Variants in CTDSPL observed in about 807,000 individuals in gnomAD.
The protein encoded by CTDSPL is CTD small phosphatase like.
In CTDSPL, 8 loss-of-function variants were observed where a neutral mutation model predicts 30.5. The ratio of observed to expected loss-of-function variants is 0.26; its 90% CI spans 0.15 to 0.47. CTDSPL has a LOEUF of 0.47. Among genes scored for constraint, CTDSPL ranks in the 20% least tolerant of loss-of-function variants. The probability of loss-of-function intolerance (pLI) is 0.99; values close to 1 mark genes in which losing one functional copy is unlikely to be tolerated. For synonymous variants in CTDSPL, 110 were observed against 137.9 expected, an observed-to-expected ratio of 0.80 and a Z score of 1.42; for missense variants, 248 against 366.1, an observed-to-expected ratio of 0.68 and a Z score of 2.63.
intron 2 of CTDSPL, among the ~76,000 whole-genome samples, chr3:37,956,266 C>G (rs1050877645): frequency 6.6e-6 from 1 of 152,186 alleles, no homozygotes; most frequent in Admixed American, 6.5e-5. Flanking sequence ...CACGTGAGAC[C>G]TCATTATCAC....
chr3:37,866,314 C>T (rs945245389), intron 1 of CTDSPL, among the ~76,000 whole-genome samples: 2 of 151,632 alleles, frequency 1.3e-5, no homozygotes, highest in South Asian at 2.1e-4. Flanking sequence ...TGGTTCCTAC[C>T]TTTGTAAAAA....
At chr3:37,976,225 G>A (rs1283596668) in intron 7 of CTDSPL, among the ~76,000 whole-genome samples, 1 of 152,150 alleles carries the variant, frequency 6.6e-6, no homozygotes, top group African/African-American at 2.4e-5. Context: ...GACATTTTTA[G>A]TATTGTTATT....
chr3:37,960,521 TATATATATATATATAC>T (rs1418387620), intron 3 of CTDSPL, among the ~76,000 whole-genome samples: 2 of 60,124 alleles, frequency 3.3e-5, no homozygotes, highest in African/African-American at 1.3e-4. Context: ...TATATATATA[TATATATATATATATAC>T]ACACACACAC....
chr3:37,871,981 T>A (rs1431037846), intron 1 of CTDSPL, among the ~76,000 whole-genome samples: 2 of 152,186 alleles, frequency 1.3e-5, no homozygotes, highest in African/African-American at 2.4e-5. Context: ...TCTTTATATC[T>A]TCCTCTTCTC....
intron 1 of CTDSPL, among the ~76,000 whole-genome samples, chr3:37,897,142 GT>G (rs533975210): frequency 1.1e-3 from 164 of 152,262 alleles, no homozygotes; most frequent in Non-Finnish European, 1.9e-3. Flanking sequence ...GGATTGTACT[GT>G]AAGATATACA....
chr3:37,952,422 G>C (rs1054998399), intron 2 of CTDSPL, among the ~76,000 whole-genome samples: 3 of 152,118 alleles, frequency 2.0e-5, no homozygotes, highest in African/African-American at 4.8e-5. Context: ...TCATCCTCAT[G>C]CTTGCTATTT....
At chr3:37,882,841 C>G (rs1698223137) in intron 1 of CTDSPL, among the ~76,000 whole-genome samples, 1 of 152,164 alleles carries the variant, frequency 6.6e-6, no homozygotes, top group Non-Finnish European at 1.5e-5. Flanking sequence ...AGTGACAGTT[C>G]AGGCTGTGCC....
intron 1 of CTDSPL, among the ~76,000 whole-genome samples, chr3:37,935,312 C>T (rs556206779): frequency 2.0e-5 from 3 of 151,672 alleles, no homozygotes; most frequent in Admixed American, 2.0e-4. Context: ...CATTTCTATT[C>T]ATTTAATAGG....
At chr3:37,898,948 A>G (rs1698419225) in intron 1 of CTDSPL, among the ~76,000 whole-genome samples, 1 of 152,226 alleles carries the variant, frequency 6.6e-6, no homozygotes. Flanking sequence ...GCCCTGCAAC[A>G]GGAAAATGCT....
intron 1 of CTDSPL, among the ~76,000 whole-genome samples, chr3:37,930,932 G>C (rs1698846402): frequency 6.6e-6 from 1 of 151,988 alleles, no homozygotes; most frequent in Non-Finnish European, 1.5e-5. Flanking sequence ...TAATATCTTT[G>C]TTTGTCTCTT....
At position 37,971,285 on chromosome 3, in the gene CTDSPL, A is replaced by G. The variant is rs1263130846; in HGVS notation, c.427-122A>G. On this transcript the variant is annotated intron_variant, in intron 5 of 7. Coordinates refer to ENST00000273179, the MANE Select transcript of CTDSPL (RefSeq NM_001008392.2). ...CAGTCTAGGCCTCTGCCTGCTATGC[A>G]TAGACCTGGGGGAGGGAGGCAGGAA... 3 of 807,562 alleles carry G rather than the reference A, an allele frequency of 3.7e-6. No homozygotes were observed. The African/African-American group carries it at 5.1e-5, about 14-fold the overall frequency. 50.0% of individuals were successfully genotyped at this position (807,562 alleles called of 1,614,324 possible).
At chr3:37,913,936 G>T (rs1002755698) in intron 1 of CTDSPL, among the ~76,000 whole-genome samples, 1 of 152,206 alleles carries the variant, frequency 6.6e-6, no homozygotes, top group Non-Finnish European at 1.5e-5. Context: ...TTTAAAATCA[G>T]TTTATCTGTT....
At chr3:37,968,660 C>G (rs1464545976) in intron 5 of CTDSPL, among the ~76,000 whole-genome samples, 2 of 152,196 alleles carry the variant, frequency 1.3e-5, no homozygotes, top group Non-Finnish European at 2.9e-5. Flanking sequence ...AGGAGACTTT[C>G]CTGGTACTTG....
At chr3:37,949,228 GTTAA>G (rs1699080845) in intron 2 of CTDSPL, among the ~76,000 whole-genome samples, 1 of 152,216 alleles carries the variant, frequency 6.6e-6, no homozygotes. Flanking sequence ...TGGTAACAAT[GTTAA>G]TTGATGACAC....
chr3:37,922,516 C>T (rs79691622), intron 1 of CTDSPL, among the ~76,000 whole-genome samples: 5,376 of 152,256 alleles, frequency 0.035, 324 homozygotes, highest in African/African-American at 0.12. Flanking sequence ...CCTATTGCTC[C>T]ACTCCATGGG....
At chr3:37,867,566 A>C (rs1698024905) in intron 1 of CTDSPL, among the ~76,000 whole-genome samples, 1 of 152,230 alleles carries the variant, frequency 6.6e-6, no homozygotes, top group Admixed American at 6.5e-5. Flanking sequence ...AGCATTTTAC[A>C]TACCCACCAG....
intron 1 of CTDSPL, among the ~76,000 whole-genome samples, chr3:37,876,839 G>A (rs1333209377): frequency 6.6e-6 from 1 of 151,244 alleles, no homozygotes; most frequent in East Asian, 1.9e-4. Context: ...ATTTAGCAGT[G>A]GCTCACACCT....
chr3:37,939,851 T>C (rs1418887070), intron 1 of CTDSPL, among the ~76,000 whole-genome samples: 3 of 150,352 alleles, frequency 2.0e-5, no homozygotes. Flanking sequence ...CCCCGCACTT[T>C]GGAAGGCCAA....
intron 1 of CTDSPL, among the ~76,000 whole-genome samples, chr3:37,940,573 C>T (rs1698967127): frequency 6.6e-6 from 1 of 150,386 alleles, no homozygotes; most frequent in Non-Finnish European, 1.5e-5. Context: ...TTGCTCCAGG[C>T]TTACATCCTG....
Sources: gnomAD v4.1 joint callset for allele counts (sites outside exome capture counted in the v4.1 genomes callset) on GRCh38, gnomAD v4.1.1 for gene constraint, MANE v1.5 for transcripts, NCBI Gene and HGNC (gene_info 2026-07-23, HGNC 2026-07-21) for gene names.